Variants in ZNF83 observed in about 807,000 individuals in gnomAD.
ZNF83 encodes the protein zinc finger protein 816B.
For missense variants in ZNF83, 552 were observed against 629.9 expected, an observed-to-expected ratio of 0.88 and a Z score of 1.32; for synonymous variants, 209 against 213.0, an observed-to-expected ratio of 0.98 and a Z score of 0.17.
intron 1 of ZNF83, among the ~76,000 whole-genome samples, chr19:52,670,335 G>A (rs1353304777): frequency 6.6e-6 from 1 of 152,162 alleles, no homozygotes; most frequent in Non-Finnish European, 1.5e-5. Flanking sequence ...AGATTAGCCT[G>A]TGTGGTCTAA....
intron 3 of ZNF83, among the ~76,000 whole-genome samples, chr19:52,653,760 A>G (rs961338236): frequency 3.9e-5 from 6 of 152,224 alleles, no homozygotes. Flanking sequence ...TATGAACTCT[A>G]TGGTGCCATG....
intron 3 of ZNF83, chr19:52,653,366 G>A (rs138553524): frequency 1.1e-5 from 13 of 1,143,530 alleles, no homozygotes; most frequent in Middle Eastern, 2.1e-4. Context: ...TATGAATCAC[G>A]CTGGAAAACC....
chr19:52,621,990 A>T (rs972790588), intron 2 of ZNF83, among the ~76,000 whole-genome samples: 7 of 151,210 alleles, frequency 4.6e-5, no homozygotes, highest in Non-Finnish European at 8.8e-5. Context: ...CCCAACACCA[A>T]CTGCTGCTGA....
At chr19:52,625,288 A>C (rs978987492) in intron 2 of ZNF83, among the ~76,000 whole-genome samples, 3 of 152,032 alleles carry the variant, frequency 2.0e-5, no homozygotes, top group African/African-American at 7.3e-5. Context: ...TACCTTCCAT[A>C]TCTTGCACCA....
intron 2 of ZNF83, among the ~76,000 whole-genome samples, chr19:52,615,698 G>A (rs987030834): frequency 2.6e-5 from 4 of 152,196 alleles, no homozygotes; most frequent in African/African-American, 7.2e-5. Context: ...CTGCTTACAG[G>A]TTTATGAGAA....
intron 1 of ZNF83, among the ~76,000 whole-genome samples, chr19:52,665,997 A>C (rs2147293910): frequency 7.6e-6 from 1 of 130,728 alleles, no homozygotes; most frequent in East Asian, 2.0e-4. Flanking sequence ...TCTCTACTAA[A>C]AATACAAAAA....
intron 2 of ZNF83, chr19:52,616,638 G>A (rs995300980): frequency 3.3e-5 from 5 of 152,204 alleles, no homozygotes; most frequent in Non-Finnish European, 5.9e-5. Flanking sequence ...GAGGTCGGGA[G>A]TTGGAGACCA....
chr19:52,613,005 T>A, exon 3 of ZNF83: 2 of 1,572,144 alleles, frequency 1.3e-6, no homozygotes, highest in South Asian at 2.4e-5. Context: ...AACTGAACAC[T>A]CTGCCACATT....
chr19:52,677,605 CA>C (rs1448124874), intron 1 of ZNF83, among the ~76,000 whole-genome samples: 9 of 152,072 alleles, frequency 5.9e-5, no homozygotes, highest in African/African-American at 1.9e-4. Flanking sequence ...GAATACTCAA[CA>C]AAATCCCCCT....
intron 2 of ZNF83, among the ~76,000 whole-genome samples, chr19:52,656,765 C>T (rs2061510384): frequency 6.6e-6 from 1 of 150,404 alleles, no homozygotes; most frequent in African/African-American, 2.5e-5. Context: ...ACTCAGGAGG[C>T]TGAGGCAGAA....
At chr19:52,634,116 A>G (rs1281945456) in intron 2 of ZNF83, among the ~76,000 whole-genome samples, 1 of 151,812 alleles carries the variant, frequency 6.6e-6, no homozygotes, top group Non-Finnish European at 1.5e-5. Flanking sequence ...CTAAAAATAC[A>G]AAAAGATTAG....
intron 2 of ZNF83, among the ~76,000 whole-genome samples, chr19:52,633,176 C>CA (rs757458234): frequency 6.6e-5 from 10 of 152,122 alleles, no homozygotes; most frequent in Non-Finnish European, 1.0e-4. Flanking sequence ...CATCCTGGCT[C>CA]AAAAGCTCCC....
At position 52,677,216 on chromosome 19, in the gene ZNF83, A is replaced by G. The variant is rs567855011; in HGVS notation, c.-283+13227T>C. Among the ~76,000 whole-genome samples the G allele has an allele frequency of 1.4e-4, 21 of 151,506 alleles. No individual in the cohort carries two copies. In the South Asian group the frequency reaches 4.4e-3, roughly 32 times the overall value. ...AACAAAACAATCAAAATCAGCCTGC[A>G]GTTCACACCACAAAGCATGAGTGAG... On this transcript the variant is annotated intron_variant, in intron 1 of 5. Coordinates refer to the ZNF83 transcript ENST00000594682.
At position 52,660,476 on chromosome 19, in the gene ZNF83, A is replaced by G. The variant is rs553360942; in HGVS notation, c.-201+286T>C. Among the ~76,000 whole-genome samples, 4 of 146,632 alleles carry G rather than the reference A, an allele frequency of 2.7e-5. No homozygotes were observed. The South Asian group carries it at 8.3e-4, about 30-fold the overall frequency. ...TCTATTAAAAATACAAAATTAGCCC[A>G]GAGTGGTGGTGGACACCTATAATCA... is the stretch of plus-strand genomic sequence containing the variant. On this transcript the variant is annotated intron_variant, in intron 2 of 5. Coordinates refer to the ZNF83 transcript ENST00000594682.
At chr19:52,654,187 G>A in intron 3 of ZNF83, 1 of 1,600,046 alleles carries the variant, frequency 6.2e-7, no homozygotes, top group Non-Finnish European at 8.6e-7. Context: ...TGTACTACCA[G>A]TCAACTTTTT....
intron 1 of ZNF83, chr19:52,635,908 C>G (rs770294110): frequency 1.3e-5 from 2 of 150,138 alleles, no homozygotes; most frequent in African/African-American, 2.5e-5. Context: ...AAGAGAATCG[C>G]ATGAATCTGG....
rs375654557 is a variant in ZNF83, at chr19:52,650,255, TTCTTTC to T, written c.-74+5300_-74+5305del. ...GGACCAAAACATGAGCTTGTTACTT[TTCTTTC>T]TTTTTTTTTTTTGAGACAGAGTTTT... On this transcript the variant is annotated intron_variant, in intron 3 of 5. Transcript: ENST00000594682. Among the ~76,000 whole-genome samples the T allele has an allele frequency of 5.3e-3, 535 of 100,006 alleles. 10 individuals carry two copies. Among genetic ancestry groups the T allele is most frequent in the African/African-American group, 0.016 (362 of 22,426 alleles). 65.6% of individuals were successfully genotyped at this position (100,006 alleles called of 152,430 possible). A position where few individuals can be genotyped will look rare whatever the true frequency, so the allele number is the denominator to read the frequency against.
chr19:52,655,097 G>C (rs553225841), intron 3 of ZNF83: 1 of 154,478 alleles, frequency 6.5e-6, no homozygotes, highest in East Asian at 1.9e-4. Context: ...TGAGGTATGA[G>C]AATTGCTTGA....
chr19:52,640,814 T>G (rs1333576863), upstream of ZNF83, among the ~76,000 whole-genome samples: 1 of 152,174 alleles, frequency 6.6e-6, no homozygotes, highest in Non-Finnish European at 1.5e-5. Flanking sequence ...AACGATTCAG[T>G]GTTCAGTACA....
Sources: gnomAD v4.1 joint callset for allele counts (sites outside exome capture counted in the v4.1 genomes callset) on GRCh38, gnomAD v4.1.1 for gene constraint, MANE v1.5 for transcripts, NCBI Gene and HGNC (gene_info 2026-07-23, HGNC 2026-07-21) for gene names.